The following DDAH1 variants were observed in gnomAD, a reference collection of about 807,000 sequenced individuals.
DDAH1 encodes N(G),N(G)-dimethylarginine dimethylaminohydrolase 1.
DDAH1 carries 19 observed loss-of-function variants against 28.8 expected under a neutral mutation model. The ratio of observed to expected loss-of-function variants is 0.66; its 90% CI spans 0.46 to 0.97. The LOEUF (loss-of-function observed/expected upper bound fraction) is 0.97. Ranked by LOEUF, DDAH1 falls within the 50% of genes least tolerant of loss-of-function variation. The pLI is 0.00. For synonymous variants in DDAH1, 153 were observed against 154.4 expected, an observed-to-expected ratio of 0.99 and a Z score of 0.07; for missense variants, 326 against 375.9, an observed-to-expected ratio of 0.87 and a Z score of 1.10.
chr1:85,379,218 C>G (rs1650844311), intron 1 of DDAH1, among the ~76,000 whole-genome samples: 1 of 152,194 alleles, frequency 6.6e-6, no homozygotes, highest in South Asian at 2.1e-4. Context: ...AACTGAACCT[C>G]TTGTTAAAAG....
At chr1:85,356,971 C>T (rs1348860545) in intron 2 of DDAH1, among the ~76,000 whole-genome samples, 1 of 152,148 alleles carries the variant, frequency 6.6e-6, no homozygotes, top group Non-Finnish European at 1.5e-5. Flanking sequence ...TACCTGCTTA[C>T]AATAAGTTAT....
intron 1 of DDAH1, among the ~76,000 whole-genome samples, chr1:85,519,599 G>A (rs1296017691): frequency 2.0e-5 from 3 of 151,974 alleles, no homozygotes; most frequent in East Asian, 1.9e-4. Flanking sequence ...AAGAAGAAAA[G>A]CATGAAAAAT....
chr1:85,423,849 T>A (rs1463987162), intron 1 of DDAH1, among the ~76,000 whole-genome samples: 2 of 152,218 alleles, frequency 1.3e-5, no homozygotes, highest in Non-Finnish European at 2.9e-5. Context: ...AGAGAGGAAA[T>A]CCTTGCTTTG....
intron 1 of DDAH1, among the ~76,000 whole-genome samples, chr1:85,427,163 A>G (rs775046673): frequency 6.6e-6 from 1 of 152,094 alleles, no homozygotes; most frequent in Non-Finnish European, 1.5e-5. Context: ...CATATAAAAG[A>G]GAATACAGGT....
intron 4 of DDAH1, among the ~76,000 whole-genome samples, chr1:85,326,222 C>G (rs907592352): frequency 3.3e-5 from 5 of 152,132 alleles, no homozygotes; most frequent in Non-Finnish European, 5.9e-5. Flanking sequence ...CAAGAGCAAT[C>G]CCATAATGGA....
chr1:85,571,200 C>T lies in DDAH1; in HGVS notation c.-123+6784G>A, dbSNP rs535429475. Among the ~76,000 whole-genome samples the T allele has an allele frequency of 2.0e-5, 3 of 152,300 alleles. No homozygotes were observed. The East Asian group carries it at 5.8e-4, about 29-fold the overall frequency. ...CTCTTTCCCCTTCTGAAAGAAGGAT[C>T]CATAATGATAAGAATTTTCAATAGC... On this transcript the variant is annotated intron_variant, in intron 1 of 6. Transcript: ENST00000426972.
At chr1:85,509,381 A>C (rs1004334620) in intron 1 of DDAH1, among the ~76,000 whole-genome samples, 1 of 152,208 alleles carries the variant, frequency 6.6e-6, no homozygotes, top group Non-Finnish European at 1.5e-5. Flanking sequence ...AACCACAAAG[A>C]TGGGGAAAAA....
At chr1:85,484,743 A>G (rs1656142527) in intron 2 of DDAH1, among the ~76,000 whole-genome samples, 1 of 152,216 alleles carries the variant, frequency 6.6e-6, no homozygotes, top group African/African-American at 2.4e-5. Context: ...TAATGGTTTA[A>G]CAATCATTAT....
At chr1:85,335,238 C>G (rs2100809540) in intron 4 of DDAH1, among the ~76,000 whole-genome samples, 1 of 152,158 alleles carries the variant, frequency 6.6e-6, no homozygotes, top group Middle Eastern at 3.4e-3. Flanking sequence ...TCCAGAAAAC[C>G]ACTAAATAAC....
chr1:85,508,369 G>C (rs1423905040), intron 1 of DDAH1, among the ~76,000 whole-genome samples: 3 of 152,178 alleles, frequency 2.0e-5, no homozygotes, highest in Non-Finnish European at 4.4e-5. Flanking sequence ...GGCCAAATAG[G>C]AACAGCTCTG....
chr1:85,379,314 C>A (rs998447182), intron 1 of DDAH1, among the ~76,000 whole-genome samples: 12 of 152,268 alleles, frequency 7.9e-5, no homozygotes, highest in African/African-American at 2.9e-4. Context: ...ACAGCATCGG[C>A]CTCCCACTAA....
Position 85,372,546 on chromosome 1 carries a change from T to C in DDAH1, c.304-13699A>G, listed in dbSNP as rs148199292. On this transcript the variant is annotated intron_variant, in intron 1 of 5. Transcript: ENST00000284031. ...GCCTTTCCTAAATTACTTTAAAAAA[T>C]ATGGTAAGCCATATTTTTCTTGCCA... 3.2e-3 allele frequency among the ~76,000 whole-genome samples: 483 copies of C among 152,206 alleles called. 3 individuals are homozygous for C. Among genetic ancestry groups the C allele is most frequent in the Non-Finnish European group, 5.8e-3 (394 of 67,994 alleles).
chr1:85,358,638 C>T lies in DDAH1; in HGVS notation c.403+110G>A, dbSNP rs899214113. The T allele has an allele frequency of 7.0e-5, 58 of 828,130 alleles. 1 individual carries two copies. Among genetic ancestry groups the T allele is most frequent in the Admixed American group, 1.1e-4 (4 of 36,150 alleles). 51.3% of individuals were successfully genotyped at this position (828,130 alleles called of 1,614,324 possible). Reference sequence around the variant, plus strand: ...CACTCCGGCCTAGGTGACAGCGAGACTCTGTCTCAAAAACAAAAACAAAAA... The same window carrying T: ...CACTCCGGCCTAGGTGACAGCGAGATTCTGTCTCAAAAACAAAAACAAAAA... On this transcript the variant is annotated intron_variant, in intron 2 of 5. Coordinates refer to ENST00000284031, the MANE Select transcript of DDAH1 (RefSeq NM_012137.4).
intron 1 of DDAH1, among the ~76,000 whole-genome samples, chr1:85,409,271 G>C (rs903760423): frequency 1.3e-5 from 2 of 152,146 alleles, no homozygotes; most frequent in Admixed American, 6.5e-5. Flanking sequence ...CACATTTCTG[G>C]TGTGAACTAT....
chr1:85,563,758 T>C (rs541872337), intron 1 of DDAH1, among the ~76,000 whole-genome samples: 1 of 152,220 alleles, frequency 6.6e-6, no homozygotes, highest in South Asian at 2.1e-4. Context: ...GATAAAGAGA[T>C]TAAGAGTTAT....
intron 1 of DDAH1, among the ~76,000 whole-genome samples, chr1:85,511,023 C>T (rs1657206835): frequency 6.6e-6 from 1 of 152,190 alleles, no homozygotes; most frequent in Non-Finnish European, 1.5e-5. Context: ...ACAGAACTCT[C>T]CACCCCAAAT....
chr1:85,368,007 T>C (rs1650164597), intron 1 of DDAH1, among the ~76,000 whole-genome samples: 1 of 152,188 alleles, frequency 6.6e-6, no homozygotes, highest in Non-Finnish European at 1.5e-5. Flanking sequence ...GAGTCAGTAA[T>C]AACAGGCCAC....
At chr1:85,465,495 G>C (rs555608004), upstream of DDAH1, among the ~76,000 whole-genome samples, 1 of 152,330 alleles carries the variant, frequency 6.6e-6, no homozygotes, top group East Asian at 1.9e-4. Flanking sequence ...GGTCTGGACA[G>C]AGCAGCTGGA....
intron 1 of DDAH1, among the ~76,000 whole-genome samples, chr1:85,508,427 A>C (rs1006751892): frequency 2.6e-5 from 4 of 152,176 alleles, no homozygotes; most frequent in Non-Finnish European, 5.9e-5. Flanking sequence ...TGATTTCCGC[A>C]TTTCCAACTG....
Sources: gnomAD v4.1 joint callset for allele counts (sites outside exome capture counted in the v4.1 genomes callset) on GRCh38, gnomAD v4.1.1 for gene constraint, MANE v1.5 for transcripts, NCBI Gene and HGNC (gene_info 2026-07-23, HGNC 2026-07-21) for gene names.